Variants in RPS6KA2 observed in about 807,000 individuals in gnomAD.
The protein encoded by RPS6KA2 is ribosomal protein S6 kinase A2.
A neutral mutation model predicts 91.8 loss-of-function variants in RPS6KA2; 42 were observed. That is an observed-to-expected ratio of 0.46 (90% CI 0.36 to 0.59). The LOEUF (loss-of-function observed/expected upper bound fraction) is 0.59. Ranked by LOEUF, RPS6KA2 falls within the 20% of genes least tolerant of loss-of-function variation. The pLI, the probability that RPS6KA2 is intolerant of heterozygous loss-of-function variation, is 0.00. For missense variants in RPS6KA2, 798 were observed against 978.5 expected (o/e 0.82, Z 2.46); for synonymous variants, 414 against 393.6 (o/e 1.05, Z -0.61).
chr6:166,633,667 T>C (rs980316872), intron 2 of RPS6KA2, among the ~76,000 whole-genome samples: 1 of 152,238 alleles, frequency 6.6e-6, no homozygotes, highest in Non-Finnish European at 1.5e-5. Context: ...ATAGTCATAA[T>C]ATTTGTAAAA....
chr6:166,677,728 A>T (rs1788660367), intron 2 of RPS6KA2, among the ~76,000 whole-genome samples: 1 of 152,236 alleles, frequency 6.6e-6, no homozygotes, highest in Non-Finnish European at 1.5e-5. Context: ...AAAGTAAATT[A>T]TATGATGCCT....
intron 2 of RPS6KA2, among the ~76,000 whole-genome samples, chr6:166,783,455 C>A (rs1396524272): frequency 6.6e-6 from 1 of 152,092 alleles, no homozygotes; most frequent in South Asian, 2.1e-4. Flanking sequence ...GACTTGCCTG[C>A]CAGCCCCACA....
chr6:166,845,315 G>A (rs1331324051), intron 2 of RPS6KA2, among the ~76,000 whole-genome samples: 2 of 152,130 alleles, frequency 1.3e-5, no homozygotes, highest in African/African-American at 4.8e-5. Context: ...AAGACGGAAA[G>A]TCAACAAAGA....
Position 166,787,146 on chromosome 6 carries a change from C to A in RPS6KA2, c.123+71054G>T, listed in dbSNP as rs147775770. ...ATATAAAAATATTCAAATTATTTGA[C>A]CCAATAACTTCTAGGAGTTTATCCA... is the stretch of plus-strand genomic sequence containing the variant. On this transcript the variant is annotated intron_variant, in intron 2 of 21. Transcript: ENST00000503859. Among the ~76,000 whole-genome samples, 441 of 152,204 alleles carry A rather than the reference C, an allele frequency of 2.9e-3. 3 individuals carry two copies. Among genetic ancestry groups the A allele is most frequent in the African/African-American group, 0.01 (422 of 41,520 alleles).
intron 10 of RPS6KA2, among the ~76,000 whole-genome samples, chr6:166,477,950 G>A (rs78260534): frequency 1.2e-3 from 185 of 152,334 alleles, no homozygotes; most frequent in Middle Eastern, 3.4e-3. Context: ...AAGACAAAGC[G>A]CTTCGATTGC....
intron 2 of RPS6KA2, among the ~76,000 whole-genome samples, chr6:166,753,701 T>C (rs1777914391): frequency 6.6e-6 from 1 of 152,224 alleles, no homozygotes; most frequent in Non-Finnish European, 1.5e-5. Context: ...TGTTAATGTG[T>C]GGTGTTATTA....
At chr6:166,432,268 G>A (rs1468428908) in intron 15 of RPS6KA2, 133 bp downstream of exon 15, 10 of 653,732 alleles carry the variant, frequency 1.5e-5, no homozygotes, top group Non-Finnish European at 2.5e-5. Context: ...CCAAGTGACT[G>A]AGATATGTGG....
chr6:166,555,115 G>C (rs908441641), intron 1 of RPS6KA2, among the ~76,000 whole-genome samples: 35 of 152,164 alleles, frequency 2.3e-4, no homozygotes, highest in African/African-American at 8.2e-4. Context: ...TTTCTTCCCA[G>C]GTACGTGGTA....
intron 2 of RPS6KA2, among the ~76,000 whole-genome samples, chr6:166,683,235 G>C (rs1788892185): frequency 6.6e-6 from 1 of 152,234 alleles, no homozygotes; most frequent in African/African-American, 2.4e-5. Flanking sequence ...CTGTGTTGGA[G>C]AGTATTGCAT....
intron 10 of RPS6KA2, among the ~76,000 whole-genome samples, chr6:166,479,502 G>A (rs562966060): frequency 6.6e-6 from 1 of 152,288 alleles, no homozygotes; most frequent in East Asian, 1.9e-4. Context: ...GTGGCAGCAT[G>A]GTCCTGCTAA....
chr6:166,457,779 G>A (rs889033542), intron 12 of RPS6KA2, among the ~76,000 whole-genome samples: 2 of 152,192 alleles, frequency 1.3e-5, no homozygotes, highest in African/African-American at 4.8e-5. Context: ...CTGGGTATAT[G>A]GGAAACAGGG....
chr6:166,829,278 G>A (rs1780119079), intron 2 of RPS6KA2, among the ~76,000 whole-genome samples: 1 of 152,112 alleles, frequency 6.6e-6, no homozygotes, highest in Non-Finnish European at 1.5e-5. Context: ...ACAGGACGGT[G>A]GTTCCTCAAA....
chr6:166,496,869 A>T (rs1357385197), intron 8 of RPS6KA2, among the ~76,000 whole-genome samples: 1 of 152,172 alleles, frequency 6.6e-6, no homozygotes, highest in African/African-American at 2.4e-5. Context: ...ATAAGCTTGG[A>T]CCCATAGCCC....
At chr6:166,501,528 C>A (rs1415555364) in intron 6 of RPS6KA2, among the ~76,000 whole-genome samples, 1 of 152,236 alleles carries the variant, frequency 6.6e-6, no homozygotes, top group Middle Eastern at 3.2e-3. Flanking sequence ...GGGTCCCTGT[C>A]TTGTTCCCTG....
rs760701167 is a variant in RPS6KA2 at position 166,437,109 on chromosome 6, G to A, written c.1333-4619C>T. Among the ~76,000 whole-genome samples, 9 of 152,012 alleles carry A rather than the reference G, an allele frequency of 5.9e-5. No individual in the cohort carries two copies. The highest frequency in any genetic ancestry group is 1.0e-4 in the Non-Finnish European group (7 of 68,004). ...CAAGGTAAGGCTGGAGAGTGCTAACGCAGGAGTGGGCAGTGAGGTGTGGCT... is the reference window on the plus strand; with the variant it reads ...CAAGGTAAGGCTGGAGAGTGCTAACACAGGAGTGGGCAGTGAGGTGTGGCT... On this transcript the variant is annotated intron_variant, in intron 14 of 20. Transcript: ENST00000265678. The surrounding 1 kb of genome is among the most constrained non-coding windows in gnomAD (Gnocchi z 4.3).
Position 166,818,155 on chromosome 6 carries a change from TATA to T in RPS6KA2, c.123+40042_123+40044del, listed in dbSNP as rs199806137. ...TTGTGCTCAAAAATATTAAAATTAA[TATA>T]ATGATATTATTAAATGTACAGTTTA... On this transcript the variant is annotated intron_variant, in intron 2 of 21. Coordinates refer to the RPS6KA2 transcript ENST00000503859. 7.9e-3 allele frequency among the ~76,000 whole-genome samples: 1,200 copies of T among 151,136 alleles called. 19 individuals carry two copies. The highest frequency in any genetic ancestry group is 0.028 in the African/African-American group (1,135 of 40,412).
intron 2 of RPS6KA2, among the ~76,000 whole-genome samples, chr6:166,683,333 G>C (rs1160170959): frequency 2.0e-5 from 3 of 152,218 alleles, no homozygotes; most frequent in Non-Finnish European, 4.4e-5. Context: ...ATTTTGGCAA[G>C]AGCCAGAAAT....
intron 1 of RPS6KA2, among the ~76,000 whole-genome samples, chr6:166,860,207 T>C (rs1781013422): frequency 6.6e-6 from 1 of 152,326 alleles, no homozygotes; most frequent in Non-Finnish European, 1.5e-5. Context: ...AGAACTCTGG[T>C]TTTCTGGGTT....
chr6:166,630,879 A>G (rs974611641), upstream of RPS6KA2, among the ~76,000 whole-genome samples: 5 of 152,260 alleles, frequency 3.3e-5, no homozygotes, highest in African/African-American at 1.2e-4. Flanking sequence ...AGATGGTCTT[A>G]AAGTCCTGAG....
Sources: gnomAD v4.1 joint callset for allele counts (sites outside exome capture counted in the v4.1 genomes callset) on GRCh38, gnomAD v4.1.1 for gene constraint, Gnocchi (gnomAD v3.1) non-coding constraint, MANE v1.5 for transcripts, NCBI Gene and HGNC (gene_info 2026-07-23, HGNC 2026-07-21) for gene names.